The following ERCC8 variants were observed in gnomAD, a reference collection of about 807,000 sequenced individuals.
ERCC8 encodes DNA excision repair protein ERCC-8.
Under a neutral mutation model 54.9 loss-of-function variants are expected in ERCC8, and 52 were observed. That is an observed-to-expected ratio of 0.95 (90% CI 0.76 to 1.19). ERCC8 has a LOEUF of 1.19. Among genes scored for constraint, ERCC8 ranks in the 50% most tolerant of loss-of-function variants. ERCC8 has a pLI of 0.00. For synonymous variants in ERCC8, 146 were observed against 157.2 expected (o/e 0.93, Z 0.53); for missense variants, 514 against 466.1 (o/e 1.10, Z -0.95).
chr5:60,871,458 T>C lies in ERCC8; in HGVS notation c.*3157A>G, dbSNP rs1747861261. Among the ~76,000 whole-genome samples the C allele has an allele frequency of 6.6e-6, 1 of 152,184 alleles. No homozygotes were observed. Among genetic ancestry groups the C allele is most frequent in the Non-Finnish European group, 1.5e-5 (1 of 68,034 alleles). On this transcript the variant is annotated 3_prime_UTR_variant, in exon 12 of 12. Coordinates refer to ENST00000676185, the MANE Select transcript of ERCC8 (RefSeq NM_000082.4). ...TATGAAAGAACACAGTCTAGGTTAATAACTTGGTTTGTGGCAGCAGGGGTA... is the reference window on the plus strand; with the variant it reads ...TATGAAAGAACACAGTCTAGGTTAACAACTTGGTTTGTGGCAGCAGGGGTA...
intron 4 of ERCC8, among the ~76,000 whole-genome samples, chr5:60,911,005 C>G (rs557834775): frequency 6.6e-6 from 1 of 152,128 alleles, no homozygotes; most frequent in East Asian, 1.9e-4. Context: ...TACTTTGTAT[C>G]AAATTAAGGA....
chr5:60,918,467 A>C (rs1374310259), intron 3 of ERCC8, 79 bp from the exon 4 acceptor site: 1 of 1,257,760 alleles, frequency 8.0e-7, no homozygotes. Flanking sequence ...AACAAGTAGT[A>C]GTCTCAGGTA....
chr5:60,899,636 C>T lies in ERCC8; in HGVS notation c.709G>A (p.Val237Ile). The T allele has an allele frequency of 6.2e-7, 1 of 1,607,808 alleles. No homozygotes were observed. Among genetic ancestry groups the T allele is most frequent in the Non-Finnish European group, 8.5e-7 (1 of 1,174,886 alleles). Residue 237 changes from valine (V) to isoleucine (I), a missense_variant, in exon 8 of 12, where the codon GTT becomes ATT. Coordinates refer to ENST00000676185, the MANE Select transcript of ERCC8 (RefSeq NM_000082.4). ...ATGCGTTCTTCCTTACCTGATTCAA[C>T]AGCTTGTGACTTTTTCCCATTATGT... is the stretch of plus-strand genomic sequence containing the variant. The part of the protein sequence containing the change: ...DQHNGKKSQA[V>I]ESANTAHNGK...
At chr5:60,882,851 T>C (rs1009778049) in intron 11 of ERCC8, among the ~76,000 whole-genome samples, 3 of 152,176 alleles carry the variant, frequency 2.0e-5, no homozygotes, top group Non-Finnish European at 4.4e-5. Context: ...AATTAGGTTA[T>C]TTAGTGAGAG....
chr5:60,922,112 G>A lies in ERCC8; in HGVS notation c.217C>T (p.Leu73Phe). ...TAAGATTGTCTGCTGGAGTTCTCAA[G>A]GTCATAAAGTACAATCACACCATCT... is the stretch of plus-strand genomic sequence containing the variant. ...GSDGVIVLYD[L>F]ENSSRQSYYT... The change falls in exon 3 of 12, where the codon CTT (leucine) becomes TTT (phenylalanine). Residue 73 changes from leucine (L) to phenylalanine (F), a missense_variant. Physicochemically the swap from Leu to Phe is conservative, Grantham distance 22. Transcript: ENST00000676185. 1 of 1,610,094 alleles carries A rather than the reference G, an allele frequency of 6.2e-7. No homozygotes were observed. The highest frequency in any genetic ancestry group is 1.1e-5 in the South Asian group (1 of 90,528).
chr5:60,918,409 T>C (rs1749503436), intron 3 of ERCC8, 21 bp from the exon 4 acceptor site: 2 of 1,604,130 alleles, frequency 1.2e-6, no homozygotes, highest in African/African-American at 2.7e-5. Context: ...GCAATCAAAA[T>C]TTACATTAAC....
In ERCC8 at chr5:60,898,279, T is replaced by G. The variant is rs989476259; in HGVS notation, c.840A>C (p.Thr280=). ...RLWNSSNGEN[T]LVNYGKVCNN... ...TATATACTTAAAAATCTCTTACAAG[T>G]GTGTTTTCTCCATTGGAACTATTCC... The change falls in exon 9 of 12, where the codon ACA becomes ACC. Residue 280 remains threonine (T), a synonymous_variant. Coordinates refer to ENST00000676185, the MANE Select transcript of ERCC8 (RefSeq NM_000082.4). The G allele has an allele frequency of 2.5e-6, 4 of 1,613,458 alleles. No homozygotes were observed. The highest frequency in any genetic ancestry group is 3.4e-6 in the Non-Finnish European group (4 of 1,179,522).
intron 1 of ERCC8, among the ~76,000 whole-genome samples, chr5:60,937,342 C>A (rs764233629): frequency 2.6e-5 from 4 of 152,130 alleles, no homozygotes; most frequent in Non-Finnish European, 5.9e-5. Flanking sequence ...AGGTGGTGGG[C>A]AGGCCGATAG....
chr5:60,927,162 A>G (rs1749773238), intron 2 of ERCC8, among the ~76,000 whole-genome samples: 1 of 152,244 alleles, frequency 6.6e-6, no homozygotes, highest in African/African-American at 2.4e-5. Flanking sequence ...TAATTTTCAG[A>G]TACTTTTTGT....
At chr5:60,876,764 T>C (rs965318804) in intron 11 of ERCC8, among the ~76,000 whole-genome samples, 2 of 152,266 alleles carry the variant, frequency 1.3e-5, no homozygotes, top group Admixed American at 6.5e-5. Flanking sequence ...GAGTCCATTG[T>C]AGGTTCTGGA....
intron 9 of ERCC8, among the ~76,000 whole-genome samples, chr5:60,897,119 A>G (rs1004577773): frequency 6.6e-6 from 1 of 151,996 alleles, no homozygotes; most frequent in African/African-American, 2.4e-5. Context: ...GGGTCTTTGT[A>G]CCTTTTTTCT....
Position 60,889,274 on chromosome 5 carries a change from ATC to A in ERCC8, c.1041+1613_1041+1614del, listed in dbSNP as rs568910017. 1.5e-3 allele frequency among the ~76,000 whole-genome samples: 222 copies of A among 152,290 alleles called. 1 individual carries two copies. Among genetic ancestry groups the A allele is most frequent in the Middle Eastern group, 3.4e-3 (1 of 294 alleles). On this transcript the variant is annotated intron_variant, in intron 10 of 11. Coordinates refer to ENST00000676185, the MANE Select transcript of ERCC8 (RefSeq NM_000082.4). ...GGTGATATGTTGAGATTATATAAATATCTCATTCCTCATCAAATTTTCAATTT... is the reference window on the plus strand; with the variant it reads ...GGTGATATGTTGAGATTATATAAATATCATTCCTCATCAAATTTTCAATTT...
At chr5:60,929,346 A>G (rs1344678186) in intron 1 of ERCC8, among the ~76,000 whole-genome samples, 2 of 152,170 alleles carry the variant, frequency 1.3e-5, no homozygotes, top group Non-Finnish European at 2.9e-5. Flanking sequence ...CTGTAATCCT[A>G]GCGCTTTGGG....
At chr5:60,903,302 C>A (rs1309799571) in intron 6 of ERCC8, 2 of 190,320 alleles carry the variant, frequency 1.1e-5, no homozygotes, top group Non-Finnish European at 2.2e-5. Context: ...ATATTAAGAA[C>A]AATGTTTACT....
rs1321454448 is a variant in ERCC8, at chr5:60,899,843, T to C, written c.618-116A>G. ...TCTCGTTATATAGGTACATATGTAT[T>C]CATACATTAGGGTTGTTGAACTTTT... On this transcript the variant is annotated intron_variant, in intron 7 of 11. Transcript: ENST00000676185. 7.9e-6 allele frequency: 6 copies of C among 763,652 alleles called. No individual in the cohort carries two copies. The Admixed American group carries it at 1.1e-4, about 14-fold the overall frequency. 47.3% of individuals were successfully genotyped at this position (763,652 alleles called of 1,614,324 possible).
intron 9 of ERCC8, 148 bp downstream of exon 9, chr5:60,898,128 G>T: frequency 1.2e-6 from 1 of 857,970 alleles, no homozygotes; most frequent in African/African-American, 1.7e-5. Context: ...CCTGAGTTGA[G>T]AATTACTAGT....
intron 11 of ERCC8, among the ~76,000 whole-genome samples, chr5:60,880,235 G>A: frequency 6.6e-6 from 1 of 152,212 alleles, no homozygotes; most frequent in East Asian, 1.9e-4. Context: ...CAAGAGATCT[G>A]CTGTTAGTCT....
chr5:60,910,863 T>A (rs1250966148), intron 4 of ERCC8, among the ~76,000 whole-genome samples: 1 of 152,124 alleles, frequency 6.6e-6, no homozygotes, highest in African/African-American at 2.4e-5. Context: ...TTTATTTCCT[T>A]TGCTTTATTG....
chr5:60,898,795 G>GAA (rs10691070), intron 8 of ERCC8, among the ~76,000 whole-genome samples: 3,959 of 147,184 alleles, frequency 0.027, 121 homozygotes, highest in African/African-American at 0.069. Flanking sequence ...GTTTTCCATT[G>GAA]AAAAAAAAAA....
Sources: gnomAD v4.1 joint callset for allele counts (sites outside exome capture counted in the v4.1 genomes callset) on GRCh38, gnomAD v4.1.1 for gene constraint, MANE v1.5 for transcripts, NCBI Gene and HGNC (gene_info 2026-07-23, HGNC 2026-07-21) for gene names.